DNAH8: variants seen among roughly 807,000 people sequenced by gnomAD.
DNAH8 encodes dynein axonemal heavy chain 8, also known as axonemal beta dynein heavy chain 8.
A neutral mutation model predicts 562.1 loss-of-function variants in DNAH8; 382 were observed. That is an observed-to-expected ratio of 0.68 (90% CI 0.63 to 0.74). The LOEUF is 0.74. Ranked by LOEUF, DNAH8 falls within the 30% of genes least tolerant of loss-of-function variation. The probability of loss-of-function intolerance (pLI) is 0.00; values close to 1 mark genes in which losing one functional copy is unlikely to be tolerated. For missense variants in DNAH8, 5,203 were observed against 5,620.4 expected (o/e 0.93, Z 2.37); for synonymous variants, 1,881 against 1,919.4 (o/e 0.98, Z 0.52).
In DNAH8 at chr6:38,728,930, G is replaced by A. The variant is rs112063988; in HGVS notation, c.526-972G>A. 6.6e-3 allele frequency among the ~76,000 whole-genome samples: 1,006 copies of A among 152,316 alleles called. 15 individuals are homozygous for A. The highest frequency in any genetic ancestry group is 0.023 in the African/African-American group (975 of 41,572). ...TAAATTAAGAGATACTCATGGCCAG[G>A]TGTGGTGGCTAATACCTATAATCCC... On this transcript the variant is annotated intron_variant, in intron 3 of 92. Transcript: ENST00000327475.
chr6:38,769,557 C>G (rs113444403), intron 11 of DNAH8, among the ~76,000 whole-genome samples: 17 of 152,190 alleles, frequency 1.1e-4, no homozygotes, highest in Non-Finnish European at 2.4e-4. Context: ...GTCCCACTTG[C>G]AGAAATTCTG....
intron 13 of DNAH8, among the ~76,000 whole-genome samples, chr6:38,776,814 G>A (rs1326473396): frequency 6.6e-6 from 1 of 152,136 alleles, no homozygotes; most frequent in African/African-American, 2.4e-5. Flanking sequence ...CACCTTTTGG[G>A]CTATATGACC....
intron 8 of DNAH8, among the ~76,000 whole-genome samples, chr6:38,749,461 C>T (rs1045274197): frequency 6.7e-6 from 1 of 149,920 alleles, no homozygotes; most frequent in African/African-American, 2.5e-5. Context: ...TTGATAGGGG[C>T]AGCAAACCAC....
chr6:38,752,579 G>A (rs1282816255), intron 9 of DNAH8, among the ~76,000 whole-genome samples: 1 of 152,216 alleles, frequency 6.6e-6, no homozygotes, highest in African/African-American at 2.4e-5. Flanking sequence ...TGGTTTTGTT[G>A]ACCAACCTTC....
chr6:38,941,699 TC>T (rs1467462272), intron 79 of DNAH8, among the ~76,000 whole-genome samples: 3 of 152,138 alleles, frequency 2.0e-5, no homozygotes, highest in African/African-American at 7.2e-5. Flanking sequence ...ATTTCAAAAA[TC>T]TTTAAGCCCT....
Position 38,923,144 on chromosome 6 carries a change from G to A in DNAH8, c.10749G>A (p.Arg3583=). 6.2e-7 allele frequency: 1 copy of A among 1,613,772 alleles called. No individual in the cohort carries two copies. Among genetic ancestry groups the A allele is most frequent in the Non-Finnish European group, 8.5e-7 (1 of 1,179,820 alleles). ...ATGGGCTGAGTGGAGAAAAAATCCG[G>A]TGGACCCAGCAAAGTAAAGAATTCA... ...LIDGLSGEKI[R]WTQQSKEFKA... Residue 3583 remains arginine, a synonymous_variant, in exon 72 of 93, where the codon CGG becomes CGA. Transcript: ENST00000327475.
chr6:38,994,247 T>C (rs1764984410), intron 88 of DNAH8, among the ~76,000 whole-genome samples: 1 of 152,218 alleles, frequency 6.6e-6, no homozygotes, highest in Admixed American at 6.5e-5. Flanking sequence ...TATTTAATTT[T>C]AGGACTTATT....
chr6:38,739,076 T>C (rs1342596056), intron 7 of DNAH8, among the ~76,000 whole-genome samples: 1 of 151,818 alleles, frequency 6.6e-6, no homozygotes, highest in African/African-American at 2.4e-5. Flanking sequence ...TTTACCTGTA[T>C]CATTTACCCA....
chr6:38,874,323 TCCCTCCCTC>T (rs1561798808), intron 52 of DNAH8, among the ~76,000 whole-genome samples: 190 of 103,752 alleles, frequency 1.8e-3, no homozygotes, highest in African/African-American at 6.7e-3. Context: ...TCCCTTCCCT[TCCCTCCCTC>T]TCTCTCTCTT....
intron 11 of DNAH8, among the ~76,000 whole-genome samples, chr6:38,768,292 A>G (rs1767217840): frequency 6.6e-6 from 1 of 152,132 alleles, no homozygotes; most frequent in Non-Finnish European, 1.5e-5. Context: ...GTTTTGAGAC[A>G]AAGCCTCACT....
intron 7 of DNAH8, among the ~76,000 whole-genome samples, chr6:38,738,951 T>C (rs1764320563): frequency 6.6e-6 from 1 of 152,218 alleles, no homozygotes. Context: ...GTTGCCAATA[T>C]GTTGAGTGTG....
rs777077456 is a variant in DNAH8 at position 39,012,518 on chromosome 6, A to T, written c.13595A>T (p.Asp4532Val). Reference sequence around the variant, plus strand: ...CAGCTCTGGAAAAGAGTGTCTTGGGATTCGTCCACACTGGGCTTCTGGTTC... The same window carrying T: ...CAGCTCTGGAAAAGAGTGTCTTGGGTTTCGTCCACACTGGGCTTCTGGTTC... ...IPQLWKRVSW[D>V]SSTLGFWFTE... Residue 4532 changes from aspartate to valine, a missense_variant, in exon 91 of 93, where the codon GAT becomes GTT. This residue lies in a region of DNAH8 where 1,399 missense variants were observed against 1,518.4 expected (regional missense o/e 0.92). Transcript: ENST00000327475. 4 of 1,614,070 alleles carry T rather than the reference A, an allele frequency of 2.5e-6. No homozygotes were observed. The highest frequency in any genetic ancestry group is 3.4e-6 in the Non-Finnish European group (4 of 1,179,944).
At chr6:38,995,344 T>A (rs1765066618) in intron 88 of DNAH8, among the ~76,000 whole-genome samples, 1 of 152,216 alleles carries the variant, frequency 6.6e-6, no homozygotes, top group South Asian at 2.1e-4. Flanking sequence ...TGCATTGATA[T>A]TCATAAATAA....
At chr6:38,734,986 T>C (rs1261670399) in intron 5 of DNAH8, among the ~76,000 whole-genome samples, 9 of 152,206 alleles carry the variant, frequency 5.9e-5, no homozygotes, top group Non-Finnish European at 1.3e-4. Context: ...AGCCTGGACA[T>C]TGCTAAGCTA....
rs140932780 is a variant in DNAH8, at chr6:38,956,753, A to G, written c.12451+5233A>G. On this transcript the variant is annotated intron_variant, in intron 82 of 92. Coordinates refer to ENST00000327475, the MANE Select transcript of DNAH8 (RefSeq NM_001206927.2). ...TTTTTTGGTAAGCCTCATGGTAACC[A>G]CAAAGCAAAAACCTATATTAGATAC... Among the ~76,000 whole-genome samples, 451 of 152,344 alleles carry G rather than the reference A, an allele frequency of 3.0e-3. 2 individuals are homozygous for G. The highest frequency in any genetic ancestry group is 0.01 in the African/African-American group (432 of 41,594).
chr6:38,913,735 T>C (rs1781081601), intron 66 of DNAH8, 114 bp from the exon 67 acceptor site: 6 of 597,638 alleles, frequency 1.0e-5, no homozygotes, highest in South Asian at 3.6e-5. Context: ...GTCTACAATT[T>C]TGTGTTTGTT....
intron 88 of DNAH8, among the ~76,000 whole-genome samples, chr6:39,004,188 G>A (rs1396452198): frequency 6.6e-6 from 1 of 152,098 alleles, no homozygotes; most frequent in Non-Finnish European, 1.5e-5. Flanking sequence ...TCCAGCCTGG[G>A]CAACAGAGCG....
intron 37 of DNAH8, 27 bp downstream of exon 37, chr6:38,848,828 T>C (rs1226907060): frequency 1.9e-6 from 3 of 1,606,170 alleles, no homozygotes; most frequent in Non-Finnish European, 2.6e-6. Context: ...TAATTACTGA[T>C]AAAATAATTT....
intron 76 of DNAH8, among the ~76,000 whole-genome samples, chr6:38,934,552 C>A (rs1037145003): frequency 1.1e-4 from 17 of 152,084 alleles, no homozygotes; most frequent in African/African-American, 3.9e-4. Context: ...TTTTAAAACA[C>A]CTTCTTTTAA....
Sources: allele counts gnomAD v4.1 joint callset (sites outside exome capture counted in the v4.1 genomes callset), GRCh38; gene constraint gnomAD v4.1.1; regional missense constraint gnomAD v4.1.1; transcripts MANE v1.5; gene names NCBI Gene and HGNC (gene_info 2026-07-23, HGNC 2026-07-21).